The following FBXO24 variants were observed in gnomAD, a reference collection of about 807,000 sequenced individuals.
The protein encoded by FBXO24 is F-box only protein 24.
FBXO24 carries 30 observed loss-of-function variants against 63.5 expected under a neutral mutation model. The observed-to-expected ratio is 0.47, with a 90% confidence interval of 0.35 to 0.64. The LOEUF is 0.64. Among genes scored for constraint, FBXO24 ranks in the 30% least tolerant of loss-of-function variants. FBXO24 has a pLI of 0.00. For missense variants in FBXO24, 624 were observed against 763.4 expected (o/e 0.82, Z 2.15); for synonymous variants, 300 against 305.0 (o/e 0.98, Z 0.17).
chr7:100,596,845 T>G (rs1802330553), intron 8 of FBXO24, among the ~76,000 whole-genome samples: 1 of 151,872 alleles, frequency 6.6e-6, no homozygotes, highest in South Asian at 2.1e-4. Flanking sequence ...GAGCATGAGA[T>G]CAGCCTGGAC....
At position 100,600,081 on chromosome 7, in the gene FBXO24, C is replaced by A. The variant is rs764333048; in HGVS notation, c.1257C>A (p.Ser419=). The A allele has an allele frequency of 3.1e-6, 5 of 1,610,998 alleles. No homozygotes were observed. In the Admixed American group the frequency reaches 8.4e-5, roughly 27 times the overall value. The part of the protein sequence containing the change: ...PITLWCGLNH[S]LVLSQSSEFS... Reference sequence around the variant, plus strand: ...CCCTGTGGTGCGGCCTCAACCACTCCCTGGTGCTGAGCCAGAGCTCAGAGT... The same window carrying A: ...CCCTGTGGTGCGGCCTCAACCACTCACTGGTGCTGAGCCAGAGCTCAGAGT... Residue 419 remains serine (S), a synonymous_variant, in exon 9 of 10, where the codon TCC becomes TCA. Transcript: ENST00000241071. The surrounding 1 kb of genome is among the most constrained non-coding windows in gnomAD (Gnocchi z 6.3).
Position 100,594,325 on chromosome 7 carries a change from A to G in FBXO24, c.794-58A>G. 1 of 1,592,890 alleles carries G rather than the reference A, an allele frequency of 6.3e-7. No homozygotes were observed. The highest frequency in any genetic ancestry group is 1.7e-5 in the Admixed American group (1 of 58,134). The stretch of plus-strand genomic sequence containing the variant: ...CATATGGCCTAGGGAGTCTCTTGGG[A>G]TGTTTATGTGGATATTGGAGAATCC... On this transcript the variant is annotated intron_variant, in intron 5 of 9. Coordinates refer to ENST00000241071, the MANE Select transcript of FBXO24 (RefSeq NM_033506.3). The surrounding 1 kb of genome is among the most constrained non-coding windows in gnomAD (Gnocchi z 4.2).
rs73407346 is a variant in FBXO24, at chr7:100,599,699, C to T, written c.1207-332C>T. The stretch of plus-strand genomic sequence containing the variant: ...GAATTGCACAAGAAGCAAGTCTCCC[C>T]GAGGCTGGCAGGCAGGATGAGAGGC... On this transcript the variant is annotated intron_variant, in intron 8 of 9. Transcript: ENST00000241071. 10,855 of 277,956 alleles carry T rather than the reference C, an allele frequency of 0.039. 1,135 individuals carry two copies. The highest frequency in any genetic ancestry group is 0.22 in the African/African-American group (9,671 of 44,372). The allele number at this position is 277,956 out of a possible 1,614,324, so 17.2% of individuals were successfully genotyped here.
At chr7:100,597,790 C>T (rs1802381211) in intron 8 of FBXO24, among the ~76,000 whole-genome samples, 1 of 152,030 alleles carries the variant, frequency 6.6e-6, no homozygotes, top group Non-Finnish European at 1.5e-5. Flanking sequence ...CAGCTTTCAA[C>T]TCCAGGGCTC....
intron 1 of FBXO24, chr7:100,586,895 C>T (rs1391065864): frequency 5.0e-6 from 1 of 200,732 alleles, no homozygotes; most frequent in Non-Finnish European, 9.8e-6. Context: ...GCAGGGGTCT[C>T]GGGACCCCCG....
chr7:100,599,842 C>G (rs1366656576), intron 8 of FBXO24, 189 bp from the exon 9 acceptor site: 7 of 624,310 alleles, frequency 1.1e-5, no homozygotes, highest in Non-Finnish European at 2.0e-5. Flanking sequence ...GTGCAAGACC[C>G]TATGTGACCA....
Position 100,596,184 on chromosome 7 carries a change from C to T in FBXO24, c.1206+478C>T. ...ATCCCAGCTACTCAGGAGGTTGAGGCAGGAGATTCTCTTGAACCTGGGAGG... is the reference window on the plus strand; with the variant it reads ...ATCCCAGCTACTCAGGAGGTTGAGGTAGGAGATTCTCTTGAACCTGGGAGG... On this transcript the variant is annotated intron_variant, in intron 8 of 9. Transcript: ENST00000241071. 1.3e-5 allele frequency among the ~76,000 whole-genome samples: 2 copies of T among 152,158 alleles called. 1 individual carries two copies. The highest frequency in any genetic ancestry group is 2.9e-5 in the Non-Finnish European group (2 of 68,032).
At chr7:100,590,112 T>C (rs2131261261) in intron 2 of FBXO24, 37 bp downstream of exon 2, 3 of 1,608,042 alleles carry the variant, frequency 1.9e-6, no homozygotes, top group Middle Eastern at 1.7e-4. Context: ...AATAATAGGA[T>C]TGGGGGCCAG....
rs367996821 is a variant in FBXO24, at chr7:100,594,822, C to T, written c.953-280C>T. Among the ~76,000 whole-genome samples the T allele has an allele frequency of 3.3e-5, 5 of 152,114 alleles. No homozygotes were observed. Among genetic ancestry groups the T allele is most frequent in the East Asian group, 1.9e-4 (1 of 5,190 alleles). On this transcript the variant is annotated intron_variant, in intron 6 of 9. Coordinates refer to ENST00000241071, the MANE Select transcript of FBXO24 (RefSeq NM_033506.3). This position sits in a 1 kb window ranked among gnomAD's most constrained non-coding sequence, Gnocchi z 4.2. ...AAAATTAGCTGGGTGTGATGGCAGG[C>T]GCCTGTAATCCCAGCTACACCAGAG...
In FBXO24 at chr7:100,594,604, C is replaced by A; in HGVS notation, c.952+63C>A. ...TGGTTAGACCCTCTAAACATCAACACCCTTCACCCTTACTCCAGCTGCATG... is the reference window on the plus strand; with the variant it reads ...TGGTTAGACCCTCTAAACATCAACAACCTTCACCCTTACTCCAGCTGCATG... On this transcript the variant is annotated intron_variant, in intron 6 of 9. Transcript: ENST00000241071. The surrounding 1 kb of genome is among the most constrained non-coding windows in gnomAD (Gnocchi z 4.2). The A allele has an allele frequency of 7.0e-7, 1 of 1,428,768 alleles. No homozygotes were observed. 88.5% of individuals were successfully genotyped at this position (1,428,768 alleles called of 1,614,324 possible).
At chr7:100,593,094 A>T (rs1310932051) in intron 5 of FBXO24, 77 bp downstream of exon 5, 6 of 1,255,872 alleles carry the variant, frequency 4.8e-6, no homozygotes, top group Non-Finnish European at 5.7e-6. Flanking sequence ...AGGGGGAGGG[A>T]GGCCCCTCAG....
At chr7:100,599,475 G>A (rs1486671987) in intron 8 of FBXO24, among the ~76,000 whole-genome samples, 1 of 151,886 alleles carries the variant, frequency 6.6e-6, no homozygotes, top group Non-Finnish European at 1.5e-5. Context: ...TTGGGAGGCT[G>A]AGGTGGGAGA....
Position 100,589,969 on chromosome 7 carries a change from T to C in FBXO24, c.40-8T>C. ...CTCATGGGACCCTATGCACCCCTTC[T>C]TGGGTAGGTGAAGAGAAGCTGCCCT... On this transcript the variant is annotated splice_polypyrimidine_tract_variant and splice_region_variant and intron_variant, in intron 1 of 9. Transcript: ENST00000241071. The C allele has an allele frequency of 6.2e-7, 1 of 1,611,666 alleles. No individual in the cohort carries two copies. Among genetic ancestry groups the C allele is most frequent in the South Asian group, 1.1e-5 (1 of 90,754 alleles).
intron 3 of FBXO24, 119 bp from the exon 4 acceptor site, chr7:100,591,548 C>T: frequency 2.4e-6 from 2 of 834,952 alleles, no homozygotes; most frequent in Non-Finnish European, 3.9e-6. Flanking sequence ...GTTTGTTCCC[C>T]TGTCCTGGGG....
chr7:100,596,668 A>C (rs1296763741), intron 8 of FBXO24, among the ~76,000 whole-genome samples: 1 of 152,114 alleles, frequency 6.6e-6, no homozygotes, highest in Non-Finnish European at 1.5e-5. Flanking sequence ...CGAGAATGGG[A>C]AGGAATGGAT....
Position 100,600,434 on chromosome 7 carries a change from T to C in FBXO24, c.1378-100T>C, listed in dbSNP as rs1802540173. 2.6e-6 allele frequency: 4 copies of C among 1,512,118 alleles called. No individual in the cohort carries two copies. 93.7% of individuals were successfully genotyped at this position (1,512,118 alleles called of 1,614,324 possible). A position where few individuals can be genotyped will look rare whatever the true frequency, so the allele number is the denominator to read the frequency against. On this transcript the variant is annotated intron_variant, in intron 9 of 9. Transcript: ENST00000241071. The surrounding 1 kb of genome is among the most constrained non-coding windows in gnomAD (Gnocchi z 6.3). The stretch of plus-strand genomic sequence containing the variant: ...GGACTTAGCCGGCTCAGGGCTGGTG[T>C]GAGAGGGAAGAATGCAATAGGCAGA...
intron 7 of FBXO24, 112 bp downstream of exon 7, chr7:100,595,335 G>A (rs1802253745): frequency 2.6e-6 from 4 of 1,553,710 alleles, no homozygotes; most frequent in Non-Finnish European, 3.5e-6. Context: ...GGATCCCCAG[G>A]GAGAGGTATG....
Position 100,595,193 on chromosome 7 carries a change from G to A in FBXO24, c.1044G>A (p.Gln348=), listed in dbSNP as rs146608914. 1 of 1,614,164 alleles carries A rather than the reference G, an allele frequency of 6.2e-7. No individual in the cohort carries two copies. Among genetic ancestry groups the A allele is most frequent in the Non-Finnish European group, 8.5e-7 (1 of 1,180,022 alleles). ...TLQAFDPLDQ[Q]MPLALSLPAK... is the part of the protein sequence containing the mutation. ...AAGCCTTTGACCCCCTGGACCAGCA[G>A]ATGCCGCTTGCTCTCTCACTGCCTG... Residue 348 remains glutamine (Q), a synonymous_variant, in exon 7 of 10, where the codon CAG becomes CAA. Coordinates refer to ENST00000241071, the MANE Select transcript of FBXO24 (RefSeq NM_033506.3).
chr7:100,586,868 C>A, intron 1 of FBXO24: 1 of 437,372 alleles, frequency 2.3e-6, no homozygotes, highest in Non-Finnish European at 4.5e-6. Flanking sequence ...GGGGGACCTC[C>A]GACTGTGAAG....
Sources: allele counts gnomAD v4.1 joint callset (sites outside exome capture counted in the v4.1 genomes callset), GRCh38; gene constraint gnomAD v4.1.1; non-coding constraint Gnocchi (gnomAD v3.1); transcripts MANE v1.5; gene names NCBI Gene and HGNC (gene_info 2026-07-23, HGNC 2026-07-21).